Variants in VPS53 observed in about 807,000 individuals in gnomAD.
VPS53 encodes vacuolar protein sorting-associated protein 53 homolog.
VPS53 carries 70 observed loss-of-function variants against 107.0 expected under a neutral mutation model. The observed-to-expected ratio is 0.65, with a 90% CI of 0.54 to 0.80. The LOEUF (loss-of-function observed/expected upper bound fraction) is 0.80, where lower values mean the gene tolerates loss of function less well. VPS53 is among the 30% of genes least tolerant of loss of function. The pLI is 0.00. For missense variants in VPS53, 917 were observed against 1,049.4 expected, an observed-to-expected ratio of 0.87 and a Z score of 1.74; for synonymous variants, 409 against 393.3, an observed-to-expected ratio of 1.04 and a Z score of -0.47.
At chr17:646,713 C>T (rs1970727524) in intron 7 of VPS53, among the ~76,000 whole-genome samples, 1 of 141,072 alleles carries the variant, frequency 7.1e-6, no homozygotes, top group Admixed American at 7.6e-5. Flanking sequence ...CTCCCACACA[C>T]ATCTCCGTGA....
rs191392806 is a variant in VPS53, at chr17:613,513, C to T, written c.1116+10020G>A. On this transcript the variant is annotated intron_variant, in intron 11 of 21. Transcript: ENST00000437048. Reference sequence around the variant, plus strand: ...TGAGTTCACACAGTGAAAACCTGTACAAATATTCACATAGTGAGTTCACAC... The same window carrying T: ...TGAGTTCACACAGTGAAAACCTGTATAAATATTCACATAGTGAGTTCACAC... Among the ~76,000 whole-genome samples the T allele has an allele frequency of 2.4e-3, 369 of 151,706 alleles. 3 individuals carry two copies. The highest frequency in any genetic ancestry group is 8.6e-3 in the African/African-American group (356 of 41,282).
chr17:525,951 C>T (rs1400155043), intron 19 of VPS53, among the ~76,000 whole-genome samples: 3 of 141,596 alleles, frequency 2.1e-5, no homozygotes, highest in East Asian at 4.2e-4. Context: ...GAGCCGAGAT[C>T]GCGCCATTGT....
At chr17:651,618 T>C (rs430526) in intron 7 of VPS53, among the ~76,000 whole-genome samples, 30,930 of 152,104 alleles carry the variant, frequency 0.2, 3,752 homozygotes, top group Non-Finnish European at 0.27. Flanking sequence ...GTGTATTACT[T>C]ATATAATTAC....
At position 627,203 on chromosome 17, in the gene VPS53, C is replaced by T; in HGVS notation, c.945G>A (p.Arg315=). 4 of 1,613,634 alleles carry T rather than the reference C, an allele frequency of 2.5e-6. No individual in the cohort carries two copies. The highest frequency in any genetic ancestry group is 3.4e-6 in the Non-Finnish European group (4 of 1,179,906). The change falls in exon 10 of 22, where the codon AGG becomes AGA. Residue 315 remains arginine, a synonymous_variant. Coordinates refer to ENST00000437048, the MANE Select transcript of VPS53 (RefSeq NM_001128159.3). ...TCACATGGCAAAATTCCACCGCAATCCTCTCAGCCATGCACCACTCACGTG... is the reference window on the plus strand; with the variant it reads ...TCACATGGCAAAATTCCACCGCAATTCTCTCAGCCATGCACCACTCACGTG... The part of the protein sequence containing the change: ...MFPREWCMAE[R]IAVEFCHVTR...
At chr17:649,775 G>C (rs1260524500) in intron 7 of VPS53, among the ~76,000 whole-genome samples, 3 of 152,278 alleles carry the variant, frequency 2.0e-5, no homozygotes, top group African/African-American at 7.2e-5. Flanking sequence ...CTGTAGGACA[G>C]AGAAATGGAA....
chr17:711,982 TA>T (rs1409832344), intron 1 of VPS53, among the ~76,000 whole-genome samples: 1 of 151,904 alleles, frequency 6.6e-6, no homozygotes, highest in African/African-American at 2.4e-5. Flanking sequence ...ATACCCGGCT[TA>T]TTTTTTGTGT....
intron 4 of VPS53, among the ~76,000 whole-genome samples, chr17:695,031 G>A (rs1972905350): frequency 6.6e-6 from 1 of 152,138 alleles, no homozygotes; most frequent in Non-Finnish European, 1.5e-5. Context: ...TATTGCATGT[G>A]GCCTATGTGT....
At chr17:704,429 T>G (rs1017855096) in intron 2 of VPS53, among the ~76,000 whole-genome samples, 5 of 152,244 alleles carry the variant, frequency 3.3e-5, no homozygotes, top group African/African-American at 1.2e-4. Flanking sequence ...AAATCTACTT[T>G]AAACAATCTA....
intron 4 of VPS53, among the ~76,000 whole-genome samples, chr17:695,353 T>C (rs1972919402): frequency 6.6e-6 from 1 of 152,010 alleles, no homozygotes; most frequent in Non-Finnish European, 1.5e-5. Flanking sequence ...AGCTGGTCCT[T>C]GGATGGGTAA....
chr17:566,203 CAAAAAAAAAA>C (rs1003234136), intron 13 of VPS53, among the ~76,000 whole-genome samples: 1 of 57,312 alleles, frequency 1.7e-5, no homozygotes, highest in South Asian at 6.4e-4. Context: ...GACTCCGTCT[CAAAAAAAAAA>C]AAAAAAAAAG....
rs1397374055 is a variant in VPS53, at chr17:650,154, G to A, written c.608+3137C>T. 2.0e-5 allele frequency among the ~76,000 whole-genome samples: 3 copies of A among 152,306 alleles called. No individual in the cohort carries two copies. The East Asian group carries it at 5.8e-4, about 29-fold the overall frequency. ...AGACTACTCAAAGAAAGGAATAAAG[G>A]AGAATAATTTCTTAGAGTATGAGAA... is the stretch of plus-strand genomic sequence containing the variant. On this transcript the variant is annotated intron_variant, in intron 7 of 21. Transcript: ENST00000437048.
intron 4 of VPS53, among the ~76,000 whole-genome samples, chr17:666,520 C>T (rs763199371): frequency 3.3e-5 from 5 of 151,898 alleles, no homozygotes; most frequent in Admixed American, 1.3e-4. Flanking sequence ...AAAAATTAGC[C>T]GGGCGTGGTG....
At chr17:607,436 C>T (rs373939051) in intron 11 of VPS53, among the ~76,000 whole-genome samples, 2 of 152,166 alleles carry the variant, frequency 1.3e-5, no homozygotes, top group East Asian at 3.8e-4. Flanking sequence ...TATGCATTCC[C>T]GCTAGTTAGA....
At chr17:571,589 C>T (rs1427639804) in intron 13 of VPS53, among the ~76,000 whole-genome samples, 4 of 151,236 alleles carry the variant, frequency 2.6e-5, no homozygotes, top group Middle Eastern at 3.2e-3. Flanking sequence ...CCCTCTGATG[C>T]CGAGCCGAAG....
At position 548,790 on chromosome 17, in the gene VPS53, T is replaced by G. The variant is rs375697168; in HGVS notation, c.1866+3082A>C. Among the ~76,000 whole-genome samples the G allele has an allele frequency of 9.6e-4, 147 of 152,346 alleles. 4 individuals carry two copies. The South Asian group carries it at 0.015, about 16-fold the overall frequency. The stretch of plus-strand genomic sequence containing the variant: ...GGGATGTTGAATGAGATTGGCAGTT[T>G]GAACCAAGCTCTTTAGCTTCCCTAA... On this transcript the variant is annotated intron_variant, in intron 17 of 21. Transcript: ENST00000437048.
intron 17 of VPS53, 138 bp downstream of exon 17, chr17:551,734 G>C (rs1003814469): frequency 1.6e-6 from 1 of 641,450 alleles, no homozygotes; most frequent in Non-Finnish European, 2.4e-6. Flanking sequence ...GTGCTTTCAG[G>C]AACTCCGGGG....
intron 3 of VPS53, among the ~76,000 whole-genome samples, chr17:699,075 G>A (rs1973098459): frequency 6.6e-6 from 1 of 152,014 alleles, no homozygotes; most frequent in South Asian, 2.1e-4. Context: ...GCTAAGGCAG[G>A]AGAATCACTT....
At chr17:650,208 A>G (rs1970883200) in intron 7 of VPS53, among the ~76,000 whole-genome samples, 1 of 152,188 alleles carries the variant, frequency 6.6e-6, no homozygotes, top group Non-Finnish European at 1.5e-5. Flanking sequence ...GAAGAAGACA[A>G]CTGGGGCTAG....
At chr17:567,858 C>T (rs1913674875) in intron 13 of VPS53, among the ~76,000 whole-genome samples, 2 of 150,354 alleles carry the variant, frequency 1.3e-5, no homozygotes, top group Non-Finnish European at 3.0e-5. Context: ...CACTGCACTC[C>T]AGCCTGGACA....
Sources: allele counts gnomAD v4.1 joint callset (sites outside exome capture counted in the v4.1 genomes callset), GRCh38; gene constraint gnomAD v4.1.1; transcripts MANE v1.5; gene names NCBI Gene and HGNC (gene_info 2026-07-23, HGNC 2026-07-21).